Variants in PDSS2 observed in about 807,000 individuals in gnomAD.
PDSS2 encodes decaprenyl diphosphate synthase subunit 2, also known as all trans-polyprenyl-diphosphate synthase PDSS2.
PDSS2 carries 31 observed loss-of-function variants against 44.5 expected under a neutral mutation model. The ratio of observed to expected loss-of-function variants is 0.70; its 90% CI spans 0.52 to 0.94. PDSS2 has a LOEUF of 0.94. Ranked by LOEUF, PDSS2 falls within the 40% of genes least tolerant of loss-of-function variation. The probability of loss-of-function intolerance (pLI) is 0.00; values close to 1 mark genes in which losing one functional copy is unlikely to be tolerated. For missense variants in PDSS2, 452 were observed against 482.2 expected (o/e 0.94, Z 0.59); for synonymous variants, 157 against 180.3 (o/e 0.87, Z 1.03).
intron 4 of PDSS2, among the ~76,000 whole-genome samples, chr6:107,244,656 CT>C (rs1286397295): frequency 6.6e-6 from 1 of 152,154 alleles, no homozygotes; most frequent in Non-Finnish European, 1.5e-5. Flanking sequence ...CTGGGTTATA[CT>C]TTTAAATTTT....
At chr6:107,432,988 T>C (rs985047430) in intron 1 of PDSS2, among the ~76,000 whole-genome samples, 2 of 152,154 alleles carry the variant, frequency 1.3e-5, no homozygotes, top group Admixed American at 6.6e-5. Context: ...AGCTCAACTT[T>C]TTCCTTAGCT....
At chr6:107,363,766 G>A (rs995286614) in intron 1 of PDSS2, among the ~76,000 whole-genome samples, 2 of 152,188 alleles carry the variant, frequency 1.3e-5, no homozygotes, top group Admixed American at 1.3e-4. Context: ...TTTTGTCAGG[G>A]CGCTGATTGG....
intron 7 of PDSS2, among the ~76,000 whole-genome samples, chr6:107,164,783 A>G (rs1244683991): frequency 5.3e-5 from 8 of 152,208 alleles, no homozygotes; most frequent in Non-Finnish European, 1.2e-4. Context: ...AGTTCCATCA[A>G]CAGTGTCAAA....
intron 6 of PDSS2, among the ~76,000 whole-genome samples, chr6:107,194,322 T>A (rs1315552789): frequency 1.3e-5 from 2 of 152,228 alleles, no homozygotes; most frequent in Non-Finnish European, 2.9e-5. Flanking sequence ...TGTGCCTCTT[T>A]TGTTGCCTTT....
intron 2 of PDSS2, among the ~76,000 whole-genome samples, chr6:107,328,109 G>C (rs1777605535): frequency 1.3e-5 from 2 of 152,312 alleles, no homozygotes; most frequent in South Asian, 4.1e-4. Flanking sequence ...GAAGGAGTGG[G>C]AAATCTAATA....
chr6:107,185,100 A>ACAACATAG (rs953624549), intron 7 of PDSS2, among the ~76,000 whole-genome samples: 8 of 141,230 alleles, frequency 5.7e-5, no homozygotes, highest in African/African-American at 2.1e-4. Flanking sequence ...TCTAGACTGG[A>ACAACATAG]CAACATAGTG....
At chr6:107,317,686 C>A (rs992086705) in intron 2 of PDSS2, among the ~76,000 whole-genome samples, 3 of 152,132 alleles carry the variant, frequency 2.0e-5, no homozygotes, top group Non-Finnish European at 4.4e-5. Context: ...TAAAAGCTCC[C>A]AATATAATAT....
chr6:107,373,181 C>T (rs578091897), intron 1 of PDSS2, among the ~76,000 whole-genome samples: 1 of 151,678 alleles, frequency 6.6e-6, no homozygotes, highest in African/African-American at 2.4e-5. Flanking sequence ...ACGGGGTTTC[C>T]CCATGTTGGC....
At chr6:107,211,451 G>A (rs190181871) in intron 5 of PDSS2, among the ~76,000 whole-genome samples, 175 of 152,032 alleles carry the variant, frequency 1.2e-3, no homozygotes, top group Non-Finnish European at 1.8e-3. Flanking sequence ...GCTATAAGGG[G>A]CCAGGCGTGG....
intron 1 of PDSS2, among the ~76,000 whole-genome samples, chr6:107,357,691 A>G (rs1362517903): frequency 6.6e-6 from 1 of 152,188 alleles, no homozygotes; most frequent in Non-Finnish European, 1.5e-5. Flanking sequence ...CACATTTTAT[A>G]CTACTTATTT....
intron 4 of PDSS2, among the ~76,000 whole-genome samples, chr6:107,213,226 G>C (rs528975286): frequency 6.6e-6 from 1 of 152,030 alleles, no homozygotes; most frequent in East Asian, 2.0e-4. Context: ...GGCCAGGCTG[G>C]TCTTGAACTC....
chr6:107,208,001 T>A (rs1196263829), intron 6 of PDSS2, among the ~76,000 whole-genome samples: 2 of 145,746 alleles, frequency 1.4e-5, no homozygotes, highest in Admixed American at 7.0e-5. Context: ...TTTTTTTTTT[T>A]ATGAAACAGA....
rs1056936705 is a variant in PDSS2, at chr6:107,459,044, G to A, written c.242C>T (p.Ala81Val). Residue 81 changes from alanine to valine, a missense_variant, in exon 1 of 8, where the codon GCT (alanine) becomes GTT (valine). Transcript: ENST00000369037. This position sits in a 1 kb window ranked among gnomAD's most constrained non-coding sequence, Gnocchi z 4.3. ...GCCCACCAGCTTCCGCACCTGCATA[G>A]CGATGTTGCTGAGCTCGTCGCTCAG... is the stretch of plus-strand genomic sequence containing the variant. Reference protein sequence around the residue: ...CLLSDELSNIAMQVRKLVGTQ... With the variant: ...CLLSDELSNIVMQVRKLVGTQ... 1.9e-6 allele frequency: 3 copies of A among 1,614,176 alleles called. No homozygotes were observed. The highest frequency in any genetic ancestry group is 2.5e-6 in the Non-Finnish European group (3 of 1,180,030).
intron 3 of PDSS2, among the ~76,000 whole-genome samples, chr6:107,270,249 C>T (rs1775555784): frequency 6.6e-6 from 1 of 152,106 alleles, no homozygotes; most frequent in Non-Finnish European, 1.5e-5. Context: ...GCTGGGATTA[C>T]AGGCATGTGC....
At chr6:107,266,412 C>A (rs1285748063) in intron 3 of PDSS2, among the ~76,000 whole-genome samples, 3 of 147,576 alleles carry the variant, frequency 2.0e-5, no homozygotes, top group African/African-American at 7.6e-5. Context: ...CTGAAATTGA[C>A]CTGGTAGAGC....
intron 2 of PDSS2, among the ~76,000 whole-genome samples, chr6:107,286,897 G>A (rs529963208): frequency 2.0e-5 from 3 of 152,158 alleles, no homozygotes. Flanking sequence ...AAAATTAGCT[G>A]AGCATGGTGG....
At chr6:107,222,874 C>T (rs371047708) in intron 4 of PDSS2, among the ~76,000 whole-genome samples, 1 of 151,666 alleles carries the variant, frequency 6.6e-6, no homozygotes, top group African/African-American at 2.4e-5. Context: ...GGGAGGCCAA[C>T]ATGTGAGGAC....
chr6:107,175,245 C>T (rs748287937), intron 7 of PDSS2, among the ~76,000 whole-genome samples: 17 of 151,582 alleles, frequency 1.1e-4, no homozygotes, highest in African/African-American at 2.2e-4. Context: ...CTCTCTCTCT[C>T]GCTCTATCTG....
At chr6:107,287,653 C>A (rs1776200973) in intron 2 of PDSS2, among the ~76,000 whole-genome samples, 1 of 152,054 alleles carries the variant, frequency 6.6e-6, no homozygotes, top group Non-Finnish European at 1.5e-5. Context: ...TCCCAAGTAG[C>A]TGGGATTACA....
Sources: allele counts gnomAD v4.1 joint callset (sites outside exome capture counted in the v4.1 genomes callset), GRCh38; gene constraint gnomAD v4.1.1; non-coding constraint Gnocchi (gnomAD v3.1); transcripts MANE v1.5; gene names NCBI Gene and HGNC (gene_info 2026-07-23, HGNC 2026-07-21).